RAD17: variants seen among roughly 807,000 people sequenced by gnomAD.
RAD17 encodes RAD17 checkpoint clamp loader component.
In RAD17, 31 loss-of-function variants were observed where a neutral mutation model predicts 81.5. The ratio of observed to expected loss-of-function variants is 0.38; its 90% CI spans 0.29 to 0.51. The LOEUF is 0.51. Among genes scored for constraint, RAD17 ranks in the 20% least tolerant of loss-of-function variants. The pLI is 0.88. For synonymous variants in RAD17, 261 were observed against 266.2 expected (o/e 0.98, Z 0.19); for missense variants, 681 against 781.2 (o/e 0.87, Z 1.53).
At chr5:69,370,491 C>T (rs1047220373) in intron 1 of RAD17, among the ~76,000 whole-genome samples, 1 of 152,148 alleles carries the variant, frequency 6.6e-6, no homozygotes, top group Non-Finnish European at 1.5e-5. Flanking sequence ...AGGCGCCCAC[C>T]ACCACGCCCG....
intron 4 of RAD17, among the ~76,000 whole-genome samples, chr5:69,373,378 CAG>C (rs977960730): frequency 6.6e-6 from 1 of 152,088 alleles, no homozygotes; most frequent in African/African-American, 2.4e-5. Flanking sequence ...CTATTACAGA[CAG>C]AGTTTTATTT....
At chr5:69,413,931 T>C in intron 18 of RAD17, 100 bp from the exon 19 acceptor site, 2 of 1,394,352 alleles carry the variant, frequency 1.4e-6, no homozygotes, top group East Asian at 2.3e-5. Flanking sequence ...CAGCACAATG[T>C]AGGTAAATGA....
At chr5:69,394,728 G>A (rs1371578968) in intron 15 of RAD17, among the ~76,000 whole-genome samples, 2 of 152,102 alleles carry the variant, frequency 1.3e-5, no homozygotes, top group East Asian at 1.9e-4. Flanking sequence ...TCTGTTGGAC[G>A]ACACTATTTT....
intron 1 of RAD17, among the ~76,000 whole-genome samples, chr5:69,370,526 G>C (rs1391715682): frequency 1.3e-5 from 2 of 152,068 alleles, no homozygotes; most frequent in Non-Finnish European, 2.9e-5. Flanking sequence ...TTTTAATAGA[G>C]ACGGGGTTTC....
chr5:69,375,637 T>A (rs1022029096), intron 6 of RAD17, among the ~76,000 whole-genome samples: 15 of 152,130 alleles, frequency 9.9e-5, no homozygotes, highest in African/African-American at 3.4e-4. Context: ...TCTGTTTTTT[T>A]AAAAAAATGA....
At chr5:69,382,259 G>T (rs1763904164) in intron 7 of RAD17, among the ~76,000 whole-genome samples, 1 of 152,006 alleles carries the variant, frequency 6.6e-6, no homozygotes, top group South Asian at 2.1e-4. Context: ...GACCAGGCTG[G>T]GCAACATACA....
chr5:69,393,903 T>C (rs1325296944), intron 15 of RAD17, among the ~76,000 whole-genome samples: 2 of 119,186 alleles, frequency 1.7e-5, no homozygotes, highest in Admixed American at 2.1e-4. Context: ...TTTTGTGTTA[T>C]GGTGGTTTTT....
At chr5:69,389,726 C>T (rs1322306961) in intron 12 of RAD17, among the ~76,000 whole-genome samples, 2 of 152,146 alleles carry the variant, frequency 1.3e-5, no homozygotes, top group Non-Finnish European at 1.5e-5. Context: ...CTGCAAGCTC[C>T]GCCTCCCAGG....
Position 69,391,983 on chromosome 5 carries a change from A to G in RAD17, c.1159A>G (p.Arg387Gly), listed in dbSNP as rs1305596563. 1 of 1,553,722 alleles carries G rather than the reference A, an allele frequency of 6.4e-7. No homozygotes were observed. The highest frequency in any genetic ancestry group is 8.6e-7 in the Non-Finnish European group (1 of 1,159,830). The change falls in exon 13 of 19, where the codon AGA becomes GGA. Residue 387 changes from arginine (R) to glycine (G), a missense_variant. Arg to Gly is a moderately radical substitution (Grantham distance 125). Transcript: ENST00000354868. ...GGKDVSLFLF[R>G]ALGKILYCKR... ...CAAAGATGTTTCTCTGTTTCTCTTC[A>G]GAGCTTTGGGGAAAATTCTATATTG...
rs2150904393 is a variant in RAD17, at chr5:69,414,382, G to C, written c.*90G>C. ...AGCAGAGTTAATATGCTTTTCTGAT[G>C]AATTACACAACAGTTTGTTAATTCT... is the stretch of plus-strand genomic sequence containing the variant. On this transcript the variant is annotated 3_prime_UTR_variant, in exon 19 of 19. Coordinates refer to ENST00000354868, the MANE Select transcript of RAD17 (RefSeq NM_133338.3). 5 of 1,354,054 alleles carry C rather than the reference G, an allele frequency of 3.7e-6. No individual in the cohort carries two copies. The highest frequency in any genetic ancestry group is 2.3e-4 in the Middle Eastern group (1 of 4,294). The allele number at this position is 1,354,054 out of a possible 1,614,324, so 83.9% of individuals were successfully genotyped here.
chr5:69,372,059 G>A lies in RAD17; in HGVS notation c.-150G>A. 2 of 1,336,106 alleles carry A rather than the reference G, an allele frequency of 1.5e-6. No homozygotes were observed. Among genetic ancestry groups the A allele is most frequent in the Admixed American group, 5.8e-5 (2 of 34,370 alleles). 82.8% of individuals were successfully genotyped at this position (1,336,106 alleles called of 1,614,324 possible). A position where few individuals can be genotyped will look rare whatever the true frequency, so the allele number is the denominator to read the frequency against. On this transcript the variant is annotated 5_prime_UTR_variant, in exon 4 of 19. Coordinates refer to ENST00000354868, the MANE Select transcript of RAD17 (RefSeq NM_133338.3). ...TATATGGGAGTCCACATTTATGTAA[G>A]AAATGAAACTATAAAATGTATAAAT...
intron 17 of RAD17, among the ~76,000 whole-genome samples, chr5:69,401,403 G>A (rs752679632): frequency 2.6e-5 from 4 of 152,130 alleles, no homozygotes; most frequent in Admixed American, 6.6e-5. Flanking sequence ...TGTCAGAGCA[G>A]CAATCTCATT....
chr5:69,385,895 G>A (rs960870069), intron 8 of RAD17, 148 bp from the exon 9 acceptor site: 1 of 819,016 alleles, frequency 1.2e-6, no homozygotes, highest in Non-Finnish European at 1.7e-6. Context: ...TACTGTTTCG[G>A]ATATCATCTA....
At chr5:69,384,209 A>G (rs1435860264) in intron 7 of RAD17, 1 of 152,178 alleles carries the variant, frequency 6.6e-6, no homozygotes, top group Non-Finnish European at 1.5e-5. Flanking sequence ...TAATTCATTT[A>G]TAGGCTTGAA....
intron 6 of RAD17, among the ~76,000 whole-genome samples, chr5:69,375,516 G>C (rs1402426086): frequency 2.2e-4 from 33 of 151,592 alleles, no homozygotes; most frequent in Admixed American, 2.2e-3. Context: ...AAAGAAAATA[G>C]AATAATAAAA....
At chr5:69,395,826 G>T (rs1479740636) in intron 15 of RAD17, among the ~76,000 whole-genome samples, 5 of 152,110 alleles carry the variant, frequency 3.3e-5, no homozygotes, top group African/African-American at 1.2e-4. Flanking sequence ...TAATTGGAAA[G>T]TATTAGTAAT....
intron 17 of RAD17, among the ~76,000 whole-genome samples, chr5:69,401,983 A>C (rs1271001378): frequency 7.2e-6 from 1 of 138,556 alleles, no homozygotes; most frequent in East Asian, 2.2e-4. Context: ...CAGCCTGGGC[A>C]ACAGAGCAAG....
At chr5:69,400,968 A>G (rs192706345) in intron 17 of RAD17, among the ~76,000 whole-genome samples, 1 of 151,944 alleles carries the variant, frequency 6.6e-6, no homozygotes, top group African/African-American at 2.4e-5. Flanking sequence ...ACAGAAATAT[A>G]TAAAGAGCCG....
chr5:69,396,548 T>TAGA lies in RAD17; in HGVS notation c.1572+3_1572+4insGAA. ...CAGTGGTTTCTAATAAATAAAAAGG[T>TAGA]AAAAAAAAAAAAAAAAATTCTGTAC... On this transcript the variant is annotated splice_region_variant and intron_variant, in intron 16 of 18. Coordinates refer to ENST00000354868, the MANE Select transcript of RAD17 (RefSeq NM_133338.3). The TAGA allele has an allele frequency of 7.5e-7, 1 of 1,342,186 alleles. No individual in the cohort carries two copies. The highest frequency in any genetic ancestry group is 9.8e-7 in the Non-Finnish European group (1 of 1,017,466). The allele number at this position is 1,342,186 out of a possible 1,614,324, so 83.1% of individuals were successfully genotyped here.
Sources: allele counts gnomAD v4.1 joint callset (sites outside exome capture counted in the v4.1 genomes callset), GRCh38; gene constraint gnomAD v4.1.1; transcripts MANE v1.5; gene names NCBI Gene and HGNC (gene_info 2026-07-23, HGNC 2026-07-21).